The following MMP16 variants were observed in gnomAD, a reference collection of about 807,000 sequenced individuals.
MMP16 encodes matrix metalloproteinase-16.
MMP16 carries 12 observed loss-of-function variants against 67.8 expected under a neutral mutation model. That is an observed-to-expected ratio of 0.18 (90% confidence interval 0.11 to 0.29). The LOEUF is 0.29. Among genes scored for constraint, MMP16 ranks in the 10% least tolerant of loss-of-function variants. The pLI is 1.00. For missense variants in MMP16, 475 were observed against 765.7 expected (o/e 0.62, Z 4.48); for synonymous variants, 249 against 255.9 (o/e 0.97, Z 0.26).
chr8:88,310,684 T>C (rs985069108), intron 1 of MMP16, among the ~76,000 whole-genome samples: 11 of 152,176 alleles, frequency 7.2e-5, no homozygotes, highest in Non-Finnish European at 1.6e-4. Context: ...GAGAGACAGC[T>C]GTGAATCTAT....
chr8:88,083,327 A>G (rs1264922560), intron 6 of MMP16, among the ~76,000 whole-genome samples: 2 of 152,096 alleles, frequency 1.3e-5, no homozygotes, highest in Non-Finnish European at 1.5e-5. Flanking sequence ...TAGAGCACCT[A>G]TTAGAAGGAA....
chr8:88,128,470 G>C (rs1227327471), intron 4 of MMP16, among the ~76,000 whole-genome samples: 1 of 151,728 alleles, frequency 6.6e-6, no homozygotes, highest in African/African-American at 2.4e-5. Flanking sequence ...ATAAGCTCCA[G>C]ACTTCCCTTT....
At chr8:88,125,868 A>G (rs2118457293) in intron 4 of MMP16, among the ~76,000 whole-genome samples, 1 of 152,042 alleles carries the variant, frequency 6.6e-6, no homozygotes, top group South Asian at 2.1e-4. Context: ...TTGATTGGTC[A>G]GGATGATTCT....
chr8:88,056,359 T>C, intron 7 of MMP16, 81 bp from the exon 8 acceptor site: 2 of 561,524 alleles, frequency 3.6e-6, no homozygotes, highest in Non-Finnish European at 5.1e-6. Flanking sequence ...TTTAAAATTA[T>C]ATTAAATACA....
At chr8:88,083,978 T>C (rs1291991176) in intron 6 of MMP16, among the ~76,000 whole-genome samples, 1 of 152,008 alleles carries the variant, frequency 6.6e-6, no homozygotes, top group Non-Finnish European at 1.5e-5. Flanking sequence ...ACAGATTCAT[T>C]TTCCCTTCCC....
intron 4 of MMP16, among the ~76,000 whole-genome samples, chr8:88,159,771 T>C (rs1377244533): frequency 1.3e-5 from 2 of 152,132 alleles, no homozygotes. Flanking sequence ...TGTGGGTTTC[T>C]CATAAAAAGC....
intron 1 of MMP16, among the ~76,000 whole-genome samples, chr8:88,296,419 A>C (rs1480446745): frequency 1.3e-5 from 2 of 152,178 alleles, no homozygotes; most frequent in African/African-American, 4.8e-5. Flanking sequence ...TATTTTTTTC[A>C]TAATGAGGAC....
chr8:88,218,516 A>C (rs571140168), intron 1 of MMP16, among the ~76,000 whole-genome samples: 2 of 152,186 alleles, frequency 1.3e-5, no homozygotes, highest in South Asian at 4.1e-4. Flanking sequence ...TAACTATGCC[A>C]GGTGATAGAT....
At chr8:88,294,781 C>T (rs1371472173) in intron 1 of MMP16, among the ~76,000 whole-genome samples, 1 of 152,174 alleles carries the variant, frequency 6.6e-6, no homozygotes, top group Non-Finnish European at 1.5e-5. Context: ...GTGGTGCAAT[C>T]TTGACTAACT....
chr8:88,259,066 G>A (rs1399365211), intron 1 of MMP16, among the ~76,000 whole-genome samples: 1 of 152,046 alleles, frequency 6.6e-6, no homozygotes, highest in East Asian at 1.9e-4. Context: ...CATTACAGAT[G>A]AAGAAAATGA....
chr8:88,223,570 T>A (rs1025052684), intron 1 of MMP16, among the ~76,000 whole-genome samples: 1 of 151,538 alleles, frequency 6.6e-6, no homozygotes, highest in Admixed American at 6.6e-5. Context: ...GAAACCATCA[T>A]TCTGAGCAAA....
intron 1 of MMP16, among the ~76,000 whole-genome samples, chr8:88,241,917 C>T (rs906599547): frequency 1.3e-4 from 19 of 151,862 alleles, no homozygotes; most frequent in African/African-American, 4.1e-4. Context: ...TTAGCTAAGA[C>T]GGATATGAAA....
At chr8:88,109,357 C>T (rs1809295224) in intron 6 of MMP16, among the ~76,000 whole-genome samples, 1 of 151,212 alleles carries the variant, frequency 6.6e-6, no homozygotes, top group Non-Finnish European at 1.5e-5. Context: ...AGCTTTCACA[C>T]TTATTTTATT....
intron 1 of MMP16, among the ~76,000 whole-genome samples, chr8:88,241,468 C>G (rs1257597354): frequency 1.3e-5 from 2 of 151,912 alleles, no homozygotes; most frequent in Admixed American, 6.6e-5. Flanking sequence ...CATTTGAGAG[C>G]AGATGAGATT....
chr8:88,232,023 G>A (rs1052119846), intron 1 of MMP16, among the ~76,000 whole-genome samples: 24 of 152,118 alleles, frequency 1.6e-4, no homozygotes, highest in African/African-American at 5.1e-4. Context: ...TTTCCTGCAT[G>A]GACATTGAAC....
intron 1 of MMP16, among the ~76,000 whole-genome samples, chr8:88,223,960 T>C (rs1250651776): frequency 6.6e-6 from 1 of 151,856 alleles, no homozygotes; most frequent in Non-Finnish European, 1.5e-5. Context: ...TCTAGGAATG[T>C]GATGAAGGAT....
At chr8:88,059,244 G>A (rs1443071945) in intron 7 of MMP16, among the ~76,000 whole-genome samples, 2 of 152,014 alleles carry the variant, frequency 1.3e-5, no homozygotes, top group African/African-American at 4.8e-5. Context: ...AACCAGAACT[G>A]GACTTCTAGA....
At chr8:88,317,404 T>G (rs1811390321) in intron 1 of MMP16, among the ~76,000 whole-genome samples, 1 of 152,194 alleles carries the variant, frequency 6.6e-6, no homozygotes, top group African/African-American at 2.4e-5. Flanking sequence ...AAAGGCTGAA[T>G]GGTCCTTTAA....
chr8:88,169,847 T>C (rs1029365397), intron 3 of MMP16, among the ~76,000 whole-genome samples: 1 of 152,288 alleles, frequency 6.6e-6, no homozygotes, highest in African/African-American at 2.4e-5. Flanking sequence ...AAGGCCACTC[T>C]AAATAGAGTT....
Sources: gnomAD v4.1 joint callset for allele counts (sites outside exome capture counted in the v4.1 genomes callset) on GRCh38, gnomAD v4.1.1 for gene constraint, MANE v1.5 for transcripts, NCBI Gene and HGNC (gene_info 2026-07-23, HGNC 2026-07-21) for gene names.